Variants in SYNPO2 observed in about 807,000 individuals in gnomAD.
The protein encoded by SYNPO2 is synaptopodin 2.
SYNPO2 carries 56 observed loss-of-function variants against 85.0 expected under a neutral mutation model. The observed-to-expected ratio is 0.66, with a 90% CI of 0.53 to 0.82. The LOEUF is 0.82. SYNPO2 is among the 40% of genes least tolerant of loss of function. The probability of loss-of-function intolerance (pLI) is 0.00; values close to 1 mark genes in which losing one functional copy is unlikely to be tolerated. For synonymous variants in SYNPO2, 602 were observed against 591.1 expected, an observed-to-expected ratio of 1.02 and a Z score of -0.27; for missense variants, 1,575 against 1,534.2, an observed-to-expected ratio of 1.03 and a Z score of -0.44.
intron 1 of SYNPO2, among the ~76,000 whole-genome samples, chr4:118,878,305 C>G (rs138628401): frequency 2.6e-5 from 4 of 152,068 alleles, no homozygotes; most frequent in Non-Finnish European, 5.9e-5. Context: ...CCCTATGATA[C>G]GCAATTTACC....
chr4:118,986,997 A>G (rs544539645), intron 1 of SYNPO2, among the ~76,000 whole-genome samples: 104 of 152,318 alleles, frequency 6.8e-4, no homozygotes, highest in African/African-American at 2.3e-3. Context: ...GTCTCACTCA[A>G]TAAACCAACA....
At chr4:118,925,371 C>A (rs994852333) in intron 1 of SYNPO2, among the ~76,000 whole-genome samples, 1 of 152,130 alleles carries the variant, frequency 6.6e-6, no homozygotes, top group African/African-American at 2.4e-5. Context: ...GCCTCAAAAG[C>A]CCAGCTGACT....
At chr4:118,854,440 A>G (rs1731472784) in intron 1 of SYNPO2, among the ~76,000 whole-genome samples, 1 of 152,234 alleles carries the variant, frequency 6.6e-6, no homozygotes, top group African/African-American at 2.4e-5. Flanking sequence ...TGCTGCAAAT[A>G]GAAAACCAGC....
At chr4:118,979,074 T>G (rs1195141696) in intron 1 of SYNPO2, among the ~76,000 whole-genome samples, 3 of 152,190 alleles carry the variant, frequency 2.0e-5, no homozygotes, top group Non-Finnish European at 4.4e-5. Context: ...CCTCTTTCGC[T>G]TTCCAATCGT....
At chr4:118,902,938 A>G (rs1732807924) in intron 1 of SYNPO2, among the ~76,000 whole-genome samples, 1 of 152,200 alleles carries the variant, frequency 6.6e-6, no homozygotes, top group Admixed American at 6.5e-5. Context: ...TTCTCCTTAA[A>G]AAAATAGATA....
intron 1 of SYNPO2, among the ~76,000 whole-genome samples, chr4:118,916,946 G>A (rs1733357023): frequency 6.6e-6 from 1 of 151,798 alleles, no homozygotes; most frequent in Admixed American, 6.6e-5. Flanking sequence ...TGTTGTCCAG[G>A]CTGGTCTCCA....
At chr4:118,878,974 G>A (rs780386593) in intron 1 of SYNPO2, among the ~76,000 whole-genome samples, 5 of 152,132 alleles carry the variant, frequency 3.3e-5, no homozygotes, top group African/African-American at 7.2e-5. Flanking sequence ...CACTCACTGC[G>A]AAGGTCTGTG....
chr4:118,956,197 T>G lies in SYNPO2; in HGVS notation c.105+67056T>G, dbSNP rs537005847. Among the ~76,000 whole-genome samples, 43 of 152,212 alleles carry G rather than the reference T, an allele frequency of 2.8e-4. 2 individuals carry two copies. In the South Asian group the frequency reaches 8.9e-3, roughly 32 times the overall value. On this transcript the variant is annotated intron_variant, in intron 1 of 4. Coordinates refer to ENST00000307142, the MANE Select transcript of SYNPO2 (RefSeq NM_133477.3). ...GTCATCATCATAAATAAGAACTGATTTTAAAGAGAAACTGGGGGGCTAACA... is the reference window on the plus strand; with the variant it reads ...GTCATCATCATAAATAAGAACTGATGTTAAAGAGAAACTGGGGGGCTAACA...
chr4:118,926,727 A>G (rs908120143), intron 1 of SYNPO2, among the ~76,000 whole-genome samples: 3 of 152,136 alleles, frequency 2.0e-5, no homozygotes, highest in Non-Finnish European at 1.5e-5. Context: ...GTGTAATGAA[A>G]CAAAAACTGA....
intron 1 of SYNPO2, among the ~76,000 whole-genome samples, chr4:118,986,394 T>A (rs1736219551): frequency 6.6e-6 from 1 of 152,240 alleles, no homozygotes; most frequent in African/African-American, 2.4e-5. Context: ...AAGTCCGACA[T>A]GTTTAAAAAT....
At chr4:118,976,818 A>T (rs1020047777) in intron 1 of SYNPO2, among the ~76,000 whole-genome samples, 5 of 152,230 alleles carry the variant, frequency 3.3e-5, no homozygotes, top group African/African-American at 1.2e-4. Flanking sequence ...TGAGCTAGAC[A>T]TAAAGGTTCT....
At chr4:118,855,610 T>G (rs1191530083) in intron 1 of SYNPO2, among the ~76,000 whole-genome samples, 1 of 152,054 alleles carries the variant, frequency 6.6e-6, no homozygotes, top group Non-Finnish European at 1.5e-5. Context: ...AATGCCACTT[T>G]AAATATTGCC....
chr4:118,997,223 G>A (rs1197385941), intron 1 of SYNPO2, among the ~76,000 whole-genome samples: 1 of 100,600 alleles, frequency 9.9e-6, no homozygotes, highest in South Asian at 3.5e-4. Flanking sequence ...CTGGGCGACA[G>A]AGCGAGACTC....
chr4:118,955,506 G>T (rs1316031680), intron 1 of SYNPO2, among the ~76,000 whole-genome samples: 1 of 152,268 alleles, frequency 6.6e-6, no homozygotes, highest in East Asian at 1.9e-4. Flanking sequence ...GGGTAATCAG[G>T]GGAAGATTCT....
In SYNPO2 at chr4:119,019,222, G is replaced by A. The variant is rs1330717975; in HGVS notation, c.106-4208G>A. Among the ~76,000 whole-genome samples the A allele has an allele frequency of 2.0e-5, 3 of 152,124 alleles. No individual in the cohort carries two copies. The East Asian group carries it at 5.8e-4, about 29-fold the overall frequency. ...ACCCCTAAACCTAAAATGAAAATTA[G>A]CAAACCAAAACAAAAAGGTGGTAAG... On this transcript the variant is annotated intron_variant, in intron 1 of 4. Transcript: ENST00000307142.
At chr4:118,879,383 C>T (rs1247418265) in intron 1 of SYNPO2, among the ~76,000 whole-genome samples, 1 of 152,062 alleles carries the variant, frequency 6.6e-6, no homozygotes, top group Non-Finnish European at 1.5e-5. Flanking sequence ...ATCCTAAATC[C>T]CCAGTGTATA....
At chr4:118,852,908 C>G (rs1731444290) in intron 1 of SYNPO2, among the ~76,000 whole-genome samples, 1 of 152,150 alleles carries the variant, frequency 6.6e-6, no homozygotes, top group Admixed American at 6.5e-5. Context: ...TTATTCAAGT[C>G]CTCCAAATGT....
intron 1 of SYNPO2, among the ~76,000 whole-genome samples, chr4:118,945,995 C>T (rs574893570): frequency 9.2e-5 from 14 of 152,234 alleles, no homozygotes; most frequent in East Asian, 1.9e-4. Context: ...CTGCCCGCCT[C>T]GGCCTCCCGA....
intron 1 of SYNPO2, among the ~76,000 whole-genome samples, chr4:118,869,362 T>C (rs116587722): frequency 0.032 from 4,825 of 152,266 alleles, 129 homozygotes; most frequent in Non-Finnish European, 0.05. Flanking sequence ...AAGAAAATTA[T>C]TGTTAGAAGT....
Sources: gnomAD v4.1 joint callset for allele counts (sites outside exome capture counted in the v4.1 genomes callset) on GRCh38, gnomAD v4.1.1 for gene constraint, MANE v1.5 for transcripts, NCBI Gene and HGNC (gene_info 2026-07-23, HGNC 2026-07-21) for gene names.